Variants in DNAAF4 observed in about 807,000 individuals in gnomAD.
The protein encoded by DNAAF4 is dynein axonemal assembly factor 4.
In DNAAF4, 43 loss-of-function variants were observed where a neutral mutation model predicts 51.8. The observed-to-expected ratio is 0.83, with a 90% CI of 0.65 to 1.07. The LOEUF is 1.07. DNAAF4 is among the 50% of genes least tolerant of loss of function. DNAAF4 has a pLI of 0.00. For missense variants in DNAAF4, 581 were observed against 493.0 expected (o/e 1.18, Z -1.69); for synonymous variants, 194 against 165.6 (o/e 1.17, Z -1.32).
chr15:55,479,644 C>G (rs2058381255), intron 4 of DNAAF4, among the ~76,000 whole-genome samples: 4 of 152,036 alleles, frequency 2.6e-5, no homozygotes, highest in Admixed American at 2.6e-4. Flanking sequence ...AATGGACATG[C>G]AAGTAGGAGA....
At chr15:55,426,052 G>T (rs923329389), downstream of DNAAF4, among the ~76,000 whole-genome samples, 1 of 152,142 alleles carries the variant, frequency 6.6e-6, no homozygotes, top group Non-Finnish European at 1.5e-5. Flanking sequence ...TTGGTGGGTG[G>T]GGGGAAGCCA....
Position 55,501,569 on chromosome 15 carries a change from G to A in DNAAF4, c.-255-2985C>T, listed in dbSNP as rs1236591130. Among the ~76,000 whole-genome samples, 8 of 148,754 alleles carry A rather than the reference G, an allele frequency of 5.4e-5. No individual in the cohort carries two copies. In the East Asian group the frequency reaches 1.4e-3, roughly 26 times the overall value. On this transcript the variant is annotated intron_variant, in intron 1 of 9. Transcript: ENST00000321149. ...TTTTTGCATTTTTAGTAGAGACGGGGTTTCACCGTGTTAGCCAGGATGGTC... is the reference window on the plus strand; with the variant it reads ...TTTTTGCATTTTTAGTAGAGACGGGATTTCACCGTGTTAGCCAGGATGGTC...
At chr15:55,426,042 T>G (rs780919878), downstream of DNAAF4, among the ~76,000 whole-genome samples, 20 of 152,076 alleles carry the variant, frequency 1.3e-4, no homozygotes, top group Non-Finnish European at 2.5e-4. Flanking sequence ...TAAGGACAAC[T>G]TGGTGGGTGG....
At chr15:55,460,550 G>A (rs972549270) in intron 5 of DNAAF4, among the ~76,000 whole-genome samples, 1 of 152,080 alleles carries the variant, frequency 6.6e-6, no homozygotes, top group Non-Finnish European at 1.5e-5. Context: ...TAATAGTGGA[G>A]GACTTCAGTA....
intron 4 of DNAAF4, among the ~76,000 whole-genome samples, chr15:55,472,000 C>T (rs1048153176): frequency 4.6e-5 from 7 of 151,880 alleles, no homozygotes; most frequent in Non-Finnish European, 7.4e-5. Context: ...CCACCATGCC[C>T]GTCTAATTTT....
chr15:55,435,017 G>C lies in DNAAF4; in HGVS notation c.935C>G (p.Ala312Gly). ...ATENYLAAIN[A>G]YNLAIRLNNK... ...ATTTAGTCTTATGGCTAAATTATAT[G>C]CATTGATAGCTGCCAAATAGTTTTC... The change falls in exon 8 of 10, where the codon GCA becomes GGA. Residue 312 changes from alanine (A) to glycine (G), a missense_variant. Physicochemically the swap from Ala to Gly is moderately conservative, Grantham distance 60. Coordinates refer to ENST00000321149, the MANE Select transcript of DNAAF4 (RefSeq NM_130810.4). 6.2e-7 allele frequency: 1 copy of C among 1,609,832 alleles called. No individual in the cohort carries two copies. Among genetic ancestry groups the C allele is most frequent in the Non-Finnish European group, 8.5e-7 (1 of 1,178,924 alleles).
intron 7 of DNAAF4, among the ~76,000 whole-genome samples, chr15:55,438,636 T>C (rs564849691): frequency 6.6e-6 from 1 of 151,568 alleles, no homozygotes; most frequent in Non-Finnish European, 1.5e-5. Flanking sequence ...ACAAAAAAAA[T>C]TCGCCAGGTG....
intron 5 of DNAAF4, among the ~76,000 whole-genome samples, chr15:55,460,569 A>T (rs2058081383): frequency 6.6e-6 from 1 of 152,202 alleles, no homozygotes; most frequent in African/African-American, 2.4e-5. Flanking sequence ...TACTCTACTG[A>T]CAGCACTAGA....
chr15:55,441,035 T>C (rs1296338216), intron 6 of DNAAF4, among the ~76,000 whole-genome samples: 1 of 151,906 alleles, frequency 6.6e-6, no homozygotes, highest in Non-Finnish European at 1.5e-5. Flanking sequence ...ATAAAATTTC[T>C]AGCCAAATTT....
At chr15:55,452,202 C>G (rs970789392) in intron 5 of DNAAF4, among the ~76,000 whole-genome samples, 1 of 115,990 alleles carries the variant, frequency 8.6e-6, no homozygotes, top group Non-Finnish European at 1.6e-5. Context: ...GAGCCAAGAT[C>G]ACGCCACTGC....
chr15:55,455,402 A>ATATATATATATATAT (rs2058004283), intron 5 of DNAAF4, among the ~76,000 whole-genome samples: 1 of 146,944 alleles, frequency 6.8e-6, no homozygotes, highest in South Asian at 2.1e-4. Context: ...ATATATATAT[A>ATATATATATATATAT]TATATATATA....
intron 1 of DNAAF4, among the ~76,000 whole-genome samples, chr15:55,499,462 AC>A (rs948332667): frequency 1.3e-5 from 2 of 152,124 alleles, no homozygotes; most frequent in African/African-American, 4.8e-5. Context: ...TCTGGAATGC[AC>A]CTTTGTTTTA....
intron 4 of DNAAF4, among the ~76,000 whole-genome samples, chr15:55,476,027 G>A (rs184254030): frequency 1.6e-4 from 25 of 152,216 alleles, no homozygotes; most frequent in Admixed American, 6.5e-4. Context: ...TCAAAGTACC[G>A]ACAGAAAAAA....
chr15:55,437,241 A>G (rs1434962652), intron 7 of DNAAF4, among the ~76,000 whole-genome samples: 8 of 152,232 alleles, frequency 5.3e-5, no homozygotes. Context: ...CAAGCAATCA[A>G]TAATTGCTTA....
chr15:55,437,670 G>A (rs1030604360), intron 7 of DNAAF4, among the ~76,000 whole-genome samples: 2 of 152,148 alleles, frequency 1.3e-5, no homozygotes, highest in East Asian at 3.8e-4. Flanking sequence ...CCTTATAAAA[G>A]GTAGAAGGAG....
At chr15:55,461,970 A>G (rs1425903330) in intron 5 of DNAAF4, among the ~76,000 whole-genome samples, 3 of 152,230 alleles carry the variant, frequency 2.0e-5, no homozygotes, top group Admixed American at 2.0e-4. Context: ...TACCACAGGG[A>G]TACAAAAGAT....
intron 3 of DNAAF4, among the ~76,000 whole-genome samples, chr15:55,492,376 A>C (rs1318085946): frequency 6.6e-6 from 1 of 152,004 alleles, no homozygotes; most frequent in Non-Finnish European, 1.5e-5. Flanking sequence ...ATCATACCCC[A>C]GGCATGGGTT....
intron 4 of DNAAF4, among the ~76,000 whole-genome samples, chr15:55,480,820 C>T (rs1262300310): frequency 6.6e-6 from 1 of 152,174 alleles, no homozygotes; most frequent in Non-Finnish European, 1.5e-5. Flanking sequence ...AGTCACTTTA[C>T]AAAACAGAAG....
intron 4 of DNAAF4, among the ~76,000 whole-genome samples, chr15:55,482,922 G>C (rs1052501483): frequency 6.6e-6 from 1 of 152,084 alleles, no homozygotes; most frequent in African/African-American, 2.4e-5. Context: ...CTAAGTGAAA[G>C]AAAGCCTCCC....
Sources: gnomAD v4.1 joint callset for allele counts (sites outside exome capture counted in the v4.1 genomes callset) on GRCh38, gnomAD v4.1.1 for gene constraint, MANE v1.5 for transcripts, NCBI Gene and HGNC (gene_info 2026-07-23, HGNC 2026-07-21) for gene names.